Variants in SETBP1 observed in about 807,000 individuals in gnomAD.
SETBP1 encodes SET-binding protein.
In SETBP1, 9 loss-of-function variants were observed where a neutral mutation model predicts 101.0. The observed-to-expected ratio is 0.09, with a 90% CI of 0.05 to 0.16. The LOEUF (loss-of-function observed/expected upper bound fraction) is 0.16. SETBP1 is among the 10% of genes least tolerant of loss of function. SETBP1 has a pLI of 1.00. For missense variants in SETBP1, 1,858 were observed against 2,033.8 expected (o/e 0.91, Z 1.66); for synonymous variants, 818 against 788.5 (o/e 1.04, Z -0.63).
At chr18:44,996,758 C>A (rs566560761) in intron 4 of SETBP1, among the ~76,000 whole-genome samples, 1 of 152,226 alleles carries the variant, frequency 6.6e-6, no homozygotes, top group South Asian at 2.1e-4. Context: ...TCAGGCAGAT[C>A]TTTGGGCTGC....
intron 1 of SETBP1, among the ~76,000 whole-genome samples, chr18:44,687,594 T>G (rs1024076135): frequency 3.9e-5 from 6 of 152,182 alleles, no homozygotes; most frequent in Admixed American, 3.9e-4. Context: ...AGAAAGGGAT[T>G]AAATTACCCA....
intron 2 of SETBP1, among the ~76,000 whole-genome samples, chr18:44,718,552 C>G (rs1394228796): frequency 6.6e-6 from 1 of 152,212 alleles, no homozygotes; most frequent in Non-Finnish European, 1.5e-5. Context: ...TTAAACTGCT[C>G]TCTTCCTTAG....
chr18:44,724,322 C>T (rs576802413), intron 2 of SETBP1, among the ~76,000 whole-genome samples: 1 of 151,958 alleles, frequency 6.6e-6, no homozygotes, highest in Admixed American at 6.6e-5. Flanking sequence ...CTCTAGCGGA[C>T]ATGATTTCCA....
chr18:44,888,141 G>A (rs1182230190), intron 3 of SETBP1, among the ~76,000 whole-genome samples: 2 of 152,086 alleles, frequency 1.3e-5, no homozygotes. Context: ...TCTCTGCCAG[G>A]AGGGGTGATC....
chr18:44,736,680 A>G (rs1215930502), intron 2 of SETBP1, among the ~76,000 whole-genome samples: 5 of 152,206 alleles, frequency 3.3e-5, no homozygotes, highest in Non-Finnish European at 7.3e-5. Context: ...TATATATTTT[A>G]TCACTTTAAT....
chr18:44,920,226 G>A (rs989199088), intron 3 of SETBP1, among the ~76,000 whole-genome samples: 12 of 152,060 alleles, frequency 7.9e-5, no homozygotes, highest in Admixed American at 2.6e-4. Flanking sequence ...ACCCACTCTC[G>A]CATGCCTGTT....
At chr18:44,865,678 C>T (rs148651962) in intron 2 of SETBP1, among the ~76,000 whole-genome samples, 1 of 152,212 alleles carries the variant, frequency 6.6e-6, no homozygotes, top group Non-Finnish European at 1.5e-5. Context: ...TATGTTTGGC[C>T]CAACAGCCCA....
Position 45,034,209 on chromosome 18 carries a change from C to T in SETBP1, c.4001-4276C>T, listed in dbSNP as rs1385759388. The stretch of plus-strand genomic sequence containing the variant: ...AAGAAACAGAATCGAAATATTGAAG[C>T]TATTGACTTACCCTTAAGGTAGTAA... On this transcript the variant is annotated intron_variant, in intron 4 of 5. Transcript: ENST00000649279. Among the ~76,000 whole-genome samples the T allele has an allele frequency of 1.4e-4, 21 of 152,200 alleles. 1 individual carries two copies. Among genetic ancestry groups the T allele is most frequent in the Admixed American group, 1.4e-3 (21 of 15,276 alleles).
chr18:44,728,744 G>C (rs1258361226), intron 2 of SETBP1, among the ~76,000 whole-genome samples: 1 of 152,224 alleles, frequency 6.6e-6, no homozygotes, highest in African/African-American at 2.4e-5. Context: ...TGAGGAACAA[G>C]AGGAGTCAGC....
At chr18:44,944,411 A>G (rs2071156230) in intron 3 of SETBP1, among the ~76,000 whole-genome samples, 1 of 152,192 alleles carries the variant, frequency 6.6e-6, no homozygotes, top group African/African-American at 2.4e-5. Context: ...AAAACATTAG[A>G]TTAGTGGTTT....
chr18:45,016,768 G>C (rs1050693079), intron 4 of SETBP1, among the ~76,000 whole-genome samples: 150 of 135,520 alleles, frequency 1.1e-3, no homozygotes, highest in Non-Finnish European at 1.5e-3. Flanking sequence ...CACACACACA[G>C]AGAGCTCTCA....
intron 2 of SETBP1, among the ~76,000 whole-genome samples, chr18:44,744,972 C>A (rs1400274415): frequency 6.6e-6 from 1 of 151,950 alleles, no homozygotes; most frequent in Admixed American, 6.6e-5. Flanking sequence ...AGCTGTTATG[C>A]GCGTCTGGGG....
chr18:45,002,849 G>A (rs1240325601), intron 4 of SETBP1, among the ~76,000 whole-genome samples: 1 of 152,192 alleles, frequency 6.6e-6, no homozygotes, highest in Non-Finnish European at 1.5e-5. Flanking sequence ...TCTGAGAAGG[G>A]ACAGTGTAGA....
At chr18:44,963,592 A>C (rs1438392678) in intron 4 of SETBP1, among the ~76,000 whole-genome samples, 1 of 152,184 alleles carries the variant, frequency 6.6e-6, no homozygotes, top group East Asian at 1.9e-4. Flanking sequence ...TTGCATTTTA[A>C]AAATGCTACG....
In SETBP1 at chr18:44,990,496, GTGGT is replaced by G. The variant is rs1334442001; in HGVS notation, c.4000+37157_4000+37160del. Among the ~76,000 whole-genome samples, 5 of 152,068 alleles carry G rather than the reference GTGGT, an allele frequency of 3.3e-5. No individual in the cohort carries two copies. The East Asian group carries it at 9.6e-4, about 29-fold the overall frequency. On this transcript the variant is annotated intron_variant, in intron 4 of 5. Coordinates refer to ENST00000649279, the MANE Select transcript of SETBP1 (RefSeq NM_015559.3). Reference sequence around the variant, plus strand: ...AGTCCCAGCTACTCAGGAGGCTGAGGTGGTAGGATTGCTGGAGCTCAGAATTTCA... The same window carrying G: ...AGTCCCAGCTACTCAGGAGGCTGAGGAGGATTGCTGGAGCTCAGAATTTCA...
chr18:44,789,293 C>G (rs564650743), intron 2 of SETBP1, among the ~76,000 whole-genome samples: 1 of 152,172 alleles, frequency 6.6e-6, no homozygotes, highest in Non-Finnish European at 1.5e-5. Flanking sequence ...CTCAACTTTT[C>G]CCTCTGTAAA....
chr18:45,048,363 T>G (rs62090511), intron 5 of SETBP1, among the ~76,000 whole-genome samples: 62,442 of 152,084 alleles, frequency 0.41, 13,400 homozygotes, highest in Non-Finnish European at 0.48. Flanking sequence ...CATGTAAGTA[T>G]TTTATGAAAC....
chr18:44,705,420 G>T (rs751439143), intron 2 of SETBP1, among the ~76,000 whole-genome samples: 1 of 151,978 alleles, frequency 6.6e-6, no homozygotes, highest in Non-Finnish European at 1.5e-5. Flanking sequence ...CTTAACTTAG[G>T]GTAAGGACAT....
intron 3 of SETBP1, among the ~76,000 whole-genome samples, chr18:44,919,328 CTAAAT>C (rs1015944812): frequency 2.6e-5 from 4 of 151,018 alleles, no homozygotes; most frequent in African/African-American, 9.7e-5. Context: ...GCCAGCCTGT[CTAAAT>C]CAAATCCCCC....
Sources: allele counts gnomAD v4.1 joint callset (sites outside exome capture counted in the v4.1 genomes callset), GRCh38; gene constraint gnomAD v4.1.1; transcripts MANE v1.5; gene names NCBI Gene and HGNC (gene_info 2026-07-23, HGNC 2026-07-21).